Variants in RASL10B observed in about 807,000 individuals in gnomAD.
The protein encoded by RASL10B is ras-like protein family member 10B.
In RASL10B, 10 loss-of-function variants were observed where a neutral mutation model predicts 20.7. The ratio of observed to expected loss-of-function variants is 0.48; its 90% CI spans 0.30 to 0.82. The LOEUF (loss-of-function observed/expected upper bound fraction) is 0.82. Ranked by LOEUF, RASL10B falls within the 40% of genes least tolerant of loss-of-function variation. The probability of loss-of-function intolerance (pLI) is 0.07; values close to 1 mark genes in which losing one functional copy is unlikely to be tolerated. For synonymous variants in RASL10B, 110 were observed against 123.3 expected (o/e 0.89, Z 0.72); for missense variants, 231 against 295.4 (o/e 0.78, Z 1.60).
intron 1 of RASL10B, among the ~76,000 whole-genome samples, chr17:35,733,035 A>G (rs1445549886): frequency 6.6e-6 from 1 of 152,222 alleles, no homozygotes; most frequent in Admixed American, 6.5e-5. Flanking sequence ...GAAGGAGTTC[A>G]GGGTCCTAAT....
intron 3 of RASL10B, among the ~76,000 whole-genome samples, chr17:35,740,752 G>A (rs1555597806): frequency 2.0e-5 from 3 of 152,224 alleles, no homozygotes; most frequent in African/African-American, 7.2e-5. Flanking sequence ...CAGTAGTTAA[G>A]AACTGGGACT....
chr17:35,735,507 T>A lies in RASL10B; in HGVS notation c.216+107T>A. 1 of 1,109,686 alleles carries A rather than the reference T, an allele frequency of 9.0e-7. No individual in the cohort carries two copies. Among genetic ancestry groups the A allele is most frequent in the Non-Finnish European group, 1.3e-6 (1 of 765,138 alleles). The allele number at this position is 1,109,686 out of a possible 1,614,324, so 68.7% of individuals were successfully genotyped here. A position where few individuals can be genotyped will look rare whatever the true frequency, so the allele number is the denominator to read the frequency against. On this transcript the variant is annotated intron_variant, in intron 2 of 3. Transcript: ENST00000603017. The surrounding 1 kb of genome is among the most constrained non-coding windows in gnomAD (Gnocchi z 6.7). Reference sequence around the variant, plus strand: ...GGCCCTATTGCCAGGGCCCCATCACTGAGTTTGGGAGCTCCACACTGCACC... The same window carrying A: ...GGCCCTATTGCCAGGGCCCCATCACAGAGTTTGGGAGCTCCACACTGCACC...
chr17:35,740,567 T>A, intron 3 of RASL10B, 34 bp downstream of exon 3: 1 of 1,605,350 alleles, frequency 6.2e-7, no homozygotes, highest in Non-Finnish European at 8.5e-7. Flanking sequence ...TTGCCACCTC[T>A]GTGGATGCCC....
intron 2 of RASL10B, among the ~76,000 whole-genome samples, chr17:35,738,698 G>A (rs2085610250): frequency 6.6e-6 from 1 of 152,150 alleles, no homozygotes; most frequent in Non-Finnish European, 1.5e-5. Flanking sequence ...CAAGGGGGAA[G>A]GGATAAGCTA....
Position 35,740,392 on chromosome 17 carries a change from G to A in RASL10B, c.217-17G>A. 6.2e-7 allele frequency: 1 copy of A among 1,612,006 alleles called. No individual in the cohort carries two copies. The highest frequency in any genetic ancestry group is 8.5e-7 in the Non-Finnish European group (1 of 1,178,658). ...TCATGGCTGCTCTGACCCTGGTACT[G>A]GCTGGGGATATTGCAGGAGTGGGCA... On this transcript the variant is annotated splice_polypyrimidine_tract_variant and intron_variant, in intron 2 of 3. Transcript: ENST00000603017.
At chr17:35,734,063 G>A (rs2085575049) in intron 1 of RASL10B, among the ~76,000 whole-genome samples, 2 of 152,328 alleles carry the variant, frequency 1.3e-5, no homozygotes, top group South Asian at 4.1e-4. Flanking sequence ...GGGAGGCCAA[G>A]GTGGGTAGAT....
intron 2 of RASL10B, among the ~76,000 whole-genome samples, chr17:35,738,133 G>A (rs1305307765): frequency 3.3e-5 from 5 of 152,084 alleles, no homozygotes; most frequent in Non-Finnish European, 7.4e-5. Flanking sequence ...ATCTCTGATC[G>A]TGGGTGAAAT....
At chr17:35,733,957 A>C (rs2085574516) in intron 1 of RASL10B, among the ~76,000 whole-genome samples, 1 of 152,226 alleles carries the variant, frequency 6.6e-6, no homozygotes, top group Non-Finnish European at 1.5e-5. Context: ...GGGATGCCAG[A>C]GAATCAGACC....
At chr17:35,740,584 T>C in intron 3 of RASL10B, 51 bp downstream of exon 3, 1 of 1,593,380 alleles carries the variant, frequency 6.3e-7, no homozygotes, top group Non-Finnish European at 8.6e-7. Flanking sequence ...GCCCCAGTGC[T>C]AGCCAGTCCC....
At chr17:35,740,329 C>A in intron 2 of RASL10B, 80 bp from the exon 3 acceptor site, 2 of 1,549,480 alleles carry the variant, frequency 1.3e-6, no homozygotes, top group Admixed American at 3.5e-5. Context: ...GAGAGCACTG[C>A]CCCTCTGATG....
At chr17:35,737,972 A>G (rs2085604834) in intron 2 of RASL10B, among the ~76,000 whole-genome samples, 1 of 151,760 alleles carries the variant, frequency 6.6e-6, no homozygotes, top group Non-Finnish European at 1.5e-5. Context: ...TGCCCTCCAT[A>G]GCAGTGGCGT....
In RASL10B at chr17:35,735,666, T is replaced by A. The variant is rs587770652; in HGVS notation, c.216+266T>A. Reference sequence around the variant, plus strand: ...CTGGTGCAGAATGGTGAGCAAAAAATTTATGGAATTTGCTTTCAAGAAACT... The same window carrying A: ...CTGGTGCAGAATGGTGAGCAAAAAAATTATGGAATTTGCTTTCAAGAAACT... On this transcript the variant is annotated intron_variant, in intron 2 of 3. Coordinates refer to ENST00000603017, the MANE Select transcript of RASL10B (RefSeq NM_033315.4). This position sits in a 1 kb window ranked among gnomAD's most constrained non-coding sequence, Gnocchi z 6.7. 5.8e-4 allele frequency among the ~76,000 whole-genome samples: 89 copies of A among 152,272 alleles called. No individual in the cohort carries two copies. The highest frequency in any genetic ancestry group is 2.1e-3 in the African/African-American group (86 of 41,552).
rs1219000808 is a variant in RASL10B, at chr17:35,741,279, C to A, written c.586C>A (p.Arg196Ser). 5.2e-6 allele frequency: 8 copies of A among 1,527,158 alleles called. No individual in the cohort carries two copies. Among genetic ancestry groups the A allele is most frequent in the African/African-American group, 1.4e-5 (1 of 71,888 alleles). 94.6% of individuals were successfully genotyped at this position (1,527,158 alleles called of 1,614,324 possible). Residue 196 changes from arginine (R) to serine (S), a missense_variant, in exon 4 of 4, where the codon CGC becomes AGC. Arg to Ser is a moderately radical substitution (Grantham distance 110, BLOSUM62 -1). Transcript: ENST00000603017. ...TGCCCTGCGCTTCCAGGGCGCGCTG[C>A]GCCGCAACCGCTGCGCCATCATGTG... ...HAALRFQGAL[R>S]RNRCAIM
chr17:35,735,976 C>G lies in RASL10B; in HGVS notation c.216+576C>G, dbSNP rs1555597171. ...GGACAGCAGCAGAACAGACGGGGCC[C>G]TGGGAAAGGTGTGTTCTTGGAGACT... On this transcript the variant is annotated intron_variant, in intron 2 of 3. Transcript: ENST00000603017. This position sits in a 1 kb window ranked among gnomAD's most constrained non-coding sequence, Gnocchi z 6.7. 6.6e-6 allele frequency among the ~76,000 whole-genome samples: 1 copy of G among 152,196 alleles called. No individual in the cohort carries two copies. The highest frequency in any genetic ancestry group is 1.5e-5 in the Non-Finnish European group (1 of 68,040).
Position 35,742,675 on chromosome 17 carries a change from G to T in RASL10B, c.*1370G>T, listed in dbSNP as rs1002090495. 6.5e-6 allele frequency: 1 copy of T among 152,682 alleles called. No homozygotes were observed. The highest frequency in any genetic ancestry group is 1.9e-4 in the East Asian group (1 of 5,198). 9.5% of individuals were successfully genotyped at this position (152,682 alleles called of 1,614,324 possible). On this transcript the variant is annotated 3_prime_UTR_variant, in exon 4 of 4. Transcript: ENST00000603017. ...GGACTTGGAGGGAGGGACAAGTGGT[G>T]CCCTGTCCCCTGCTCCCCTGGCCAA... is the stretch of plus-strand genomic sequence containing the variant.
intron 2 of RASL10B, among the ~76,000 whole-genome samples, chr17:35,739,983 A>G (rs782087642): frequency 1.3e-4 from 20 of 152,202 alleles, no homozygotes; most frequent in Non-Finnish European, 2.2e-4. Flanking sequence ...AAGGATGGGA[A>G]ATCAGGAAGC....
In RASL10B at chr17:35,740,498, C is replaced by A. The variant is rs146982096; in HGVS notation, c.306C>A (p.Tyr102Ter). ...YDICCFDSFE[Y>*]VKTIRQQILE... is the part of the protein sequence containing the mutation. The stretch of plus-strand genomic sequence containing the variant: ...TCTGCTGCTTTGACAGCTTTGAGTA[C>A]GTCAAGACCATCCGCCAGCAGATCC... The change falls in exon 3 of 4, where the codon TAC (tyrosine) becomes TAA (stop). Residue 102 changes from tyrosine to a stop codon, truncating the protein, a stop_gained. Coordinates refer to ENST00000603017, the MANE Select transcript of RASL10B (RefSeq NM_033315.4). LOFTEE classifies it high-confidence loss of function. The A allele has an allele frequency of 6.2e-7, 1 of 1,613,866 alleles. No homozygotes were observed. The highest frequency in any genetic ancestry group is 8.5e-7 in the Non-Finnish European group (1 of 1,179,878).
At position 35,735,163 on chromosome 17, in the gene RASL10B, G is replaced by T; in HGVS notation, c.-22G>T. 1 of 1,599,640 alleles carries T rather than the reference G, an allele frequency of 6.3e-7. No homozygotes were observed. ...AGCCCCAGACAGCGGCAAGGACGAG[G>T]TGGCGGAGTGGGGCGGGAGGCATGG... On this transcript the variant is annotated 5_prime_UTR_variant, in exon 2 of 4. Transcript: ENST00000603017. This position sits in a 1 kb window ranked among gnomAD's most constrained non-coding sequence, Gnocchi z 6.7.
chr17:35,740,320 A>G, intron 2 of RASL10B, 89 bp from the exon 3 acceptor site: 3 of 1,506,712 alleles, frequency 2.0e-6, no homozygotes, highest in Non-Finnish European at 9.0e-7. Flanking sequence ...GTGGCAGGTG[A>G]GAGCACTGCC....
Sources: allele counts gnomAD v4.1 joint callset (sites outside exome capture counted in the v4.1 genomes callset), GRCh38; gene constraint gnomAD v4.1.1; non-coding constraint Gnocchi (gnomAD v3.1); transcripts MANE v1.5; gene names NCBI Gene and HGNC (gene_info 2026-07-23, HGNC 2026-07-21).